Variants in ESRRG observed in about 807,000 individuals in gnomAD.
The protein encoded by ESRRG is estrogen-related receptor gamma.
ESRRG carries 13 observed loss-of-function variants against 44.0 expected under a neutral mutation model. The ratio of observed to expected loss-of-function variants is 0.30; its 90% CI spans 0.19 to 0.47. ESRRG has a LOEUF of 0.47. Among genes scored for constraint, ESRRG ranks in the 20% least tolerant of loss-of-function variants. ESRRG has a pLI of 1.00. For synonymous variants in ESRRG, 215 were observed against 214.6 expected (o/e 1.00, Z -0.02); for missense variants, 395 against 580.6 (o/e 0.68, Z 3.29).
At chr1:216,594,805 T>C (rs1311716355) in intron 3 of ESRRG, among the ~76,000 whole-genome samples, 1 of 152,222 alleles carries the variant, frequency 6.6e-6, no homozygotes, top group Non-Finnish European at 1.5e-5. Flanking sequence ...ATTAATTATC[T>C]ATGGCCTTCA....
chr1:216,816,255 C>T (rs139592980), intron 2 of ESRRG, among the ~76,000 whole-genome samples: 34 of 152,200 alleles, frequency 2.2e-4, no homozygotes, highest in Non-Finnish European at 3.8e-4. Context: ...CATTACAAAC[C>T]GTGGTCATTT....
At position 217,114,707 on chromosome 1, in the gene ESRRG, G is replaced by T. The variant is rs2092701168; in HGVS notation, c.-230+22960C>A. On this transcript the variant is annotated intron_variant, in intron 1 of 8. Coordinates refer to the ESRRG transcript ENST00000366940. ...TTTTTTTGAGACGGAGTCTTGCTCT[G>T]TCATCAGGCTGGAGTGCTGGCTCAC... Among the ~76,000 whole-genome samples, 8 of 128,292 alleles carry T rather than the reference G, an allele frequency of 6.2e-5. No homozygotes were observed. In the Admixed American group the frequency reaches 6.8e-4, roughly 11 times the overall value. 84.2% of individuals were successfully genotyped at this position (128,292 alleles called of 152,430 possible). A position where few individuals can be genotyped will look rare whatever the true frequency, so the allele number is the denominator to read the frequency against.
At chr1:217,126,904 T>G (rs1327291850) in intron 1 of ESRRG, among the ~76,000 whole-genome samples, 3 of 152,334 alleles carry the variant, frequency 2.0e-5, no homozygotes, top group Non-Finnish European at 4.4e-5. Context: ...GACATTGGAT[T>G]GATTGTTTCC....
chr1:216,881,485 G>A (rs975595220), intron 2 of ESRRG, among the ~76,000 whole-genome samples: 3 of 152,218 alleles, frequency 2.0e-5, no homozygotes, highest in African/African-American at 7.2e-5. Flanking sequence ...GGGGGAGTGG[G>A]GATGGAGCTA....
chr1:216,986,952 G>A (rs2074978225), intron 1 of ESRRG, among the ~76,000 whole-genome samples: 1 of 152,054 alleles, frequency 6.6e-6, no homozygotes, highest in Non-Finnish European at 1.5e-5. Flanking sequence ...ACAAATTTCA[G>A]TCAACATGCT....
intron 5 of ESRRG, among the ~76,000 whole-genome samples, chr1:216,523,585 G>A (rs12745466): frequency 0.22 from 32,639 of 150,890 alleles, 4,513 homozygotes; most frequent in Non-Finnish European, 0.32. Flanking sequence ...AGTGTGAAGG[G>A]CAAAAAATAT....
intron 2 of ESRRG, among the ~76,000 whole-genome samples, chr1:216,838,307 T>C (rs1406732858): frequency 6.6e-5 from 10 of 152,194 alleles, no homozygotes; most frequent in Admixed American, 5.2e-4. Context: ...CAACAGAAAC[T>C]GGGTTTAGTT....
intron 2 of ESRRG, among the ~76,000 whole-genome samples, chr1:216,913,385 G>A (rs1340715880): frequency 1.3e-5 from 2 of 152,014 alleles, no homozygotes; most frequent in East Asian, 1.9e-4. Context: ...GGTCGGGGGT[G>A]GGGGTGGCTA....
chr1:216,971,838 T>C (rs1311355027), intron 1 of ESRRG, among the ~76,000 whole-genome samples: 1 of 152,198 alleles, frequency 6.6e-6, no homozygotes, highest in Non-Finnish European at 1.5e-5. Flanking sequence ...TGTCTTCTTT[T>C]AATTGAAATC....
chr1:216,845,512 G>A (rs1265576130), intron 2 of ESRRG, among the ~76,000 whole-genome samples: 2 of 152,130 alleles, frequency 1.3e-5, no homozygotes, highest in African/African-American at 4.8e-5. Context: ...TTAGAGAAAA[G>A]CTACTTCTGG....
chr1:216,893,717 C>G (rs144726719), intron 2 of ESRRG, among the ~76,000 whole-genome samples: 1 of 151,398 alleles, frequency 6.6e-6, no homozygotes, highest in East Asian at 1.9e-4. Flanking sequence ...ATACATATTT[C>G]TAAGTATGTA....
intron 1 of ESRRG, among the ~76,000 whole-genome samples, chr1:216,961,861 T>C (rs2069166375): frequency 6.6e-6 from 1 of 152,130 alleles, no homozygotes; most frequent in Non-Finnish European, 1.5e-5. Flanking sequence ...ACCATTTGGC[T>C]AAAAGAGAAA....
At chr1:216,981,337 C>T (rs531598474) in intron 1 of ESRRG, among the ~76,000 whole-genome samples, 8 of 152,272 alleles carry the variant, frequency 5.3e-5, no homozygotes, top group African/African-American at 1.9e-4. Context: ...GTCAAGAGTA[C>T]CGGCTTTGGA....
At chr1:216,702,877 C>T (rs1186058416) in intron 1 of ESRRG, among the ~76,000 whole-genome samples, 1 of 151,494 alleles carries the variant, frequency 6.6e-6, no homozygotes, top group Admixed American at 6.6e-5. Flanking sequence ...CTAGTCCTGT[C>T]CATATTCGAT....
At chr1:216,675,560 T>C (rs2075960382) in intron 2 of ESRRG, among the ~76,000 whole-genome samples, 1 of 152,168 alleles carries the variant, frequency 6.6e-6, no homozygotes, top group African/African-American at 2.4e-5. Context: ...CAAGGGGCCA[T>C]TAGATGATGA....
intron 2 of ESRRG, among the ~76,000 whole-genome samples, chr1:216,846,365 CAT>C (rs1363240828): frequency 1.3e-5 from 2 of 152,048 alleles, no homozygotes; most frequent in Non-Finnish European, 2.9e-5. Flanking sequence ...AAACAATAAA[CAT>C]ATGTCTTTGT....
At chr1:217,115,913 TACGTAATAGCTGCTCAATATA>T (rs1364969454) in intron 1 of ESRRG, among the ~76,000 whole-genome samples, 2 of 152,164 alleles carry the variant, frequency 1.3e-5, no homozygotes, top group African/African-American at 4.8e-5. Flanking sequence ...CAGTTCCTGA[TACGTAATAGCTGCTCAATATA>T]AAGTTGATAA....
intron 2 of ESRRG, among the ~76,000 whole-genome samples, chr1:216,752,569 C>T (rs1264572883): frequency 6.6e-6 from 1 of 152,134 alleles, no homozygotes; most frequent in Non-Finnish European, 1.5e-5. Flanking sequence ...TGCTAGAGGT[C>T]CTATTCTCTT....
At chr1:216,632,237 C>A (rs1042887999) in intron 3 of ESRRG, among the ~76,000 whole-genome samples, 1 of 152,184 alleles carries the variant, frequency 6.6e-6, no homozygotes, top group African/African-American at 2.4e-5. Flanking sequence ...TAGCTAATGG[C>A]TCACTGACTT....
Sources: allele counts gnomAD v4.1 joint callset (sites outside exome capture counted in the v4.1 genomes callset), GRCh38; gene constraint gnomAD v4.1.1; transcripts MANE v1.5; gene names NCBI Gene and HGNC (gene_info 2026-07-23, HGNC 2026-07-21).